Variants in CACNA2D1 observed in about 807,000 individuals in gnomAD.
CACNA2D1 encodes voltage-dependent calcium channel subunit alpha-2/delta-1.
In CACNA2D1, 53 loss-of-function variants were observed where a neutral mutation model predicts 171.5. The ratio of observed to expected loss-of-function variants is 0.31; its 90% CI spans 0.25 to 0.39. The LOEUF is 0.39. Among genes scored for constraint, CACNA2D1 ranks in the 10% least tolerant of loss-of-function variants. The pLI is 1.00. For synonymous variants in CACNA2D1, 442 were observed against 443.1 expected (o/e 1.00, Z 0.03); for missense variants, 903 against 1,299.8 (o/e 0.69, Z 4.69).
intron 6 of CACNA2D1, among the ~76,000 whole-genome samples, chr7:82,087,226 G>A (rs1193428436): frequency 1.3e-5 from 2 of 152,062 alleles, no homozygotes; most frequent in Non-Finnish European, 2.9e-5. Context: ...TAGTTGCAGG[G>A]ACTTTTAAAT....
At chr7:82,060,165 A>AATATATATATAAT (rs1806496140) in intron 10 of CACNA2D1, among the ~76,000 whole-genome samples, 8 of 22,230 alleles carry the variant, frequency 3.6e-4, no homozygotes, top group African/African-American at 6.6e-4. Flanking sequence ...ATATATATAT[A>AATATATATATAAT]ATATATATAT....
Position 82,420,652 on chromosome 7 carries a change from T to C in CACNA2D1, c.95+22713A>G, listed in dbSNP as rs17156286. Among the ~76,000 whole-genome samples the C allele has an allele frequency of 7.4e-3, 1,128 of 152,326 alleles. 11 individuals are homozygous for C. Among genetic ancestry groups the C allele is most frequent in the African/African-American group, 0.026 (1,094 of 41,572 alleles). ...CTTATAAAATGCTAAAAATCTTCTC[T>C]ATGATACACTTTAAAAGGAATAATT... On this transcript the variant is annotated intron_variant, in intron 1 of 38. Coordinates refer to ENST00000356860, the MANE Select transcript of CACNA2D1 (RefSeq NM_000722.4).
intron 6 of CACNA2D1, among the ~76,000 whole-genome samples, chr7:82,108,875 T>C (rs749785226): frequency 6.6e-6 from 1 of 152,224 alleles, no homozygotes; most frequent in African/African-American, 2.4e-5. Context: ...TTGTCCTCAA[T>C]GTCTTATGAT....
At position 81,988,909 on chromosome 7, in the gene CACNA2D1, C is replaced by T. The variant is rs573527551; in HGVS notation, c.1796+2276G>A. The stretch of plus-strand genomic sequence containing the variant: ...GAAATAAGTTTCTCTATATATGTTT[C>T]GTGTGTGTGCATGATGTTAAATTTC... On this transcript the variant is annotated intron_variant, in intron 21 of 38. Transcript: ENST00000356860. Among the ~76,000 whole-genome samples, 7 of 152,100 alleles carry T rather than the reference C, an allele frequency of 4.6e-5. No homozygotes were observed. In the East Asian group the frequency reaches 1.4e-3, roughly 29 times the overall value.
At chr7:82,228,912 T>C (rs963617219) in intron 3 of CACNA2D1, among the ~76,000 whole-genome samples, 16 of 152,270 alleles carry the variant, frequency 1.1e-4, no homozygotes, top group Non-Finnish European at 2.1e-4. Context: ...CCAGTACCAA[T>C]GCAGTTTTAA....
rs1180691316 is a variant in CACNA2D1, at chr7:82,326,974, TTTCTACTC to T, written c.294+8153_294+8160del. Among the ~76,000 whole-genome samples, 3 of 152,218 alleles carry T rather than the reference TTTCTACTC, an allele frequency of 2.0e-5. No individual in the cohort carries two copies. The East Asian group carries it at 5.8e-4, about 29-fold the overall frequency. Reference sequence around the variant, plus strand: ...AAGTTTGTGCAAAAGTAATTGCAGTTTTCTACTCTTCGTATTGCGCCAAGCCATATTAG... The same window carrying T: ...AAGTTTGTGCAAAAGTAATTGCAGTTTTCGTATTGCGCCAAGCCATATTAG... On this transcript the variant is annotated intron_variant, in intron 3 of 38. Transcript: ENST00000356860.
chr7:82,152,059 A>G (rs1251091527), intron 4 of CACNA2D1, among the ~76,000 whole-genome samples: 1 of 152,042 alleles, frequency 6.6e-6, no homozygotes, highest in African/African-American at 2.4e-5. Context: ...ATCAAGTGAG[A>G]TTATATCTAA....
intron 3 of CACNA2D1, among the ~76,000 whole-genome samples, chr7:82,178,459 T>G (rs923765139): frequency 6.6e-6 from 1 of 152,124 alleles, no homozygotes; most frequent in South Asian, 2.1e-4. Context: ...AATTTGCAGC[T>G]CTACGTTTTG....
At chr7:82,040,754 C>A (rs1456058770) in intron 10 of CACNA2D1, among the ~76,000 whole-genome samples, 1 of 152,106 alleles carries the variant, frequency 6.6e-6, no homozygotes. Flanking sequence ...ACGGGTGGAT[C>A]ACCTGAGGTC....
intron 3 of CACNA2D1, among the ~76,000 whole-genome samples, chr7:82,204,980 T>C (rs1033390166): frequency 2.3e-4 from 35 of 152,170 alleles, no homozygotes; most frequent in Non-Finnish European, 3.5e-4. Context: ...AGTGAGCTCA[T>C]GCTTGGATCG....
chr7:82,257,013 G>T (rs1053321643), intron 3 of CACNA2D1, among the ~76,000 whole-genome samples: 4 of 152,114 alleles, frequency 2.6e-5, no homozygotes, highest in Non-Finnish European at 5.9e-5. Context: ...GAGGATGGCA[G>T]GAACAAAACT....
chr7:82,312,086 G>C (rs1284778831), intron 3 of CACNA2D1, among the ~76,000 whole-genome samples: 1 of 152,118 alleles, frequency 6.6e-6, no homozygotes, highest in African/African-American at 2.4e-5. Context: ...AAAAGTTACA[G>C]CAAAGTCAAC....
Position 82,012,260 on chromosome 7 carries a change from A to AAAAT in CACNA2D1, c.1273-18_1273-17insATTT, listed in dbSNP as rs1799876654. 6.9e-7 allele frequency: 1 copy of AAAAT among 1,445,682 alleles called. No individual in the cohort carries two copies. Among genetic ancestry groups the AAAAT allele is most frequent in the Admixed American group, 1.7e-5 (1 of 59,592 alleles). 89.6% of individuals were successfully genotyped at this position (1,445,682 alleles called of 1,614,324 possible). ...CAAATATTCCTGTTTATGGGAAAAA[A>AAAAT]AAAAAAAGTCGTGGTTAAAACTAGG... On this transcript the variant is annotated splice_polypyrimidine_tract_variant and intron_variant, in intron 14 of 38. Transcript: ENST00000356860.
chr7:82,154,389 G>A (rs958260408), intron 4 of CACNA2D1, among the ~76,000 whole-genome samples: 3 of 151,976 alleles, frequency 2.0e-5, no homozygotes, highest in African/African-American at 7.2e-5. Context: ...TTAGTAGAAA[G>A]GTATGGTATG....
intron 8 of CACNA2D1, among the ~76,000 whole-genome samples, chr7:82,065,248 T>C (rs1807464770): frequency 6.6e-6 from 1 of 152,204 alleles, no homozygotes; most frequent in Non-Finnish European, 1.5e-5. Flanking sequence ...TTGGAGTTTG[T>C]AACCTGCACC....
intron 6 of CACNA2D1, among the ~76,000 whole-genome samples, chr7:82,108,186 G>C (rs1787970457): frequency 6.6e-6 from 1 of 152,174 alleles, no homozygotes; most frequent in Admixed American, 6.5e-5. Flanking sequence ...ATACTTGTGA[G>C]AGGTAAATGT....
intron 18 of CACNA2D1, among the ~76,000 whole-genome samples, chr7:82,000,923 C>A (rs1922061): frequency 0.022 from 3,277 of 151,172 alleles, 118 homozygotes; most frequent in African/African-American, 0.074. Flanking sequence ...GCCACCGTGG[C>A]CGGCCTTAAT....
chr7:81,967,341 G>C, intron 30 of CACNA2D1, 134 bp from the exon 31 acceptor site: 1 of 774,144 alleles, frequency 1.3e-6, no homozygotes, highest in Non-Finnish European at 2.1e-6. Flanking sequence ...TAGTCTATAA[G>C]AAACAAAAGT....
At chr7:82,054,064 A>T (rs1805524055) in intron 10 of CACNA2D1, among the ~76,000 whole-genome samples, 1 of 151,954 alleles carries the variant, frequency 6.6e-6, no homozygotes, top group Admixed American at 6.6e-5. Context: ...TTAACAACAT[A>T]TTTTTTTTAG....
Sources: allele counts gnomAD v4.1 joint callset (sites outside exome capture counted in the v4.1 genomes callset), GRCh38; gene constraint gnomAD v4.1.1; transcripts MANE v1.5; gene names NCBI Gene and HGNC (gene_info 2026-07-23, HGNC 2026-07-21).